The following KDM5A variants were observed in gnomAD, a reference collection of about 807,000 sequenced individuals.
KDM5A encodes the protein lysine demethylase 5A, also known as lysine-specific demethylase 5A.
Under a neutral mutation model 193.5 loss-of-function variants are expected in KDM5A, and 42 were observed. The ratio of observed to expected loss-of-function variants is 0.22; its 90% CI spans 0.17 to 0.28. The LOEUF (loss-of-function observed/expected upper bound fraction) is 0.28. KDM5A is among the 10% of genes least tolerant of loss of function. The pLI, the probability that KDM5A is intolerant of heterozygous loss-of-function variation, is 1.00. For synonymous variants in KDM5A, 796 were observed against 718.1 expected, an observed-to-expected ratio of 1.11 and a Z score of -1.73; for missense variants, 1,692 against 2,055.1, an observed-to-expected ratio of 0.82 and a Z score of 3.42.
At chr12:289,844 T>C (rs1280755698) in intron 27 of KDM5A, among the ~76,000 whole-genome samples, 2 of 151,690 alleles carry the variant, frequency 1.3e-5, no homozygotes, top group African/African-American at 4.8e-5. Context: ...CTGGAAGTTA[T>C]TTTTTGCTGC....
In KDM5A at chr12:385,980, TAGAA is replaced by T; in HGVS notation, c.166-10_166-7del. 1 of 1,610,660 alleles carries T rather than the reference TAGAA, an allele frequency of 6.2e-7. No individual in the cohort carries two copies. The highest frequency in any genetic ancestry group is 8.5e-7 in the Non-Finnish European group (1 of 1,177,052). On this transcript the variant is annotated splice_polypyrimidine_tract_variant and splice_region_variant and intron_variant, in intron 1 of 27. Coordinates refer to ENST00000399788, the MANE Select transcript of KDM5A (RefSeq NM_001042603.3). The stretch of plus-strand genomic sequence containing the variant: ...GCAAATGGAGGCTGCCAGTCCTAAA[TAGAA>T]AGATTTTTTTAAAAAAACACAGTGG...
At chr12:336,189 T>C (rs1943930817) in intron 10 of KDM5A, among the ~76,000 whole-genome samples, 1 of 150,316 alleles carries the variant, frequency 6.7e-6, no homozygotes, top group Admixed American at 6.6e-5. Context: ...CGGGACCCCA[T>C]CTCTACAAAA....
At chr12:309,067 T>C (rs1943549260) in intron 22 of KDM5A, among the ~76,000 whole-genome samples, 1 of 152,178 alleles carries the variant, frequency 6.6e-6, no homozygotes, top group Non-Finnish European at 1.5e-5. Flanking sequence ...GTCTAGGAAA[T>C]TTAAAAGAAG....
intron 3 of KDM5A, among the ~76,000 whole-genome samples, chr12:366,990 G>GCTGTACA (rs1231751439): frequency 6.6e-6 from 1 of 152,140 alleles, no homozygotes; most frequent in East Asian, 1.9e-4. Context: ...AGAGTAACAG[G>GCTGTACA]CTGTACACCT....
chr12:287,933 T>G (rs1351730704), intron 27 of KDM5A, among the ~76,000 whole-genome samples: 1 of 152,222 alleles, frequency 6.6e-6, no homozygotes, highest in African/African-American at 2.4e-5. Context: ...TTCCCTTTTG[T>G]GATTTTGACT....
At chr12:357,827 C>CAAAAAAAAAAAAAAAAAAAAAA (rs61577928) in intron 5 of KDM5A, among the ~76,000 whole-genome samples, 1 of 29,866 alleles carries the variant, frequency 3.3e-5, no homozygotes, top group African/African-American at 2.0e-4. Context: ...GACTCAGTCT[C>CAAAAAAAAAAAAAAAAAAAAAA]AAAAAAAAAA....
Position 311,030 on chromosome 12 carries a change from T to G in KDM5A, c.3071A>C (p.Glu1024Ala). Reference sequence around the variant, plus strand: ...AGGGCGTCCTTTCGCAGACAAGCTCTCAAGCTGCTCCAAATAAGCGTAATT... The same window carrying G: ...AGGGCGTCCTTTCGCAGACAAGCTCGCAAGCTGCTCCAAATAAGCGTAATT... ...GSNYAYLEQL[E>A]SLSAKGRPIP... is the part of the protein sequence containing the mutation. Residue 1024 changes from glutamate to alanine, a missense_variant, in exon 21 of 28, where the codon GAG becomes GCG. By Grantham distance (107) the Glu-to-Ala change is moderately radical. Around this residue, in one of 11 missense-constraint regions of KDM5A, gnomAD observed 965 missense variants for 1,061.0 expected, o/e 0.91. Transcript: ENST00000399788. 1 of 1,614,230 alleles carries G rather than the reference T, an allele frequency of 6.2e-7. No homozygotes were observed. The highest frequency in any genetic ancestry group is 8.5e-7 in the Non-Finnish European group (1 of 1,180,034).
chr12:312,582 T>C (rs1322055515), intron 20 of KDM5A, among the ~76,000 whole-genome samples: 1 of 152,220 alleles, frequency 6.6e-6, no homozygotes, highest in Non-Finnish European at 1.5e-5. Flanking sequence ...TTCTAAATTA[T>C]AAAATCAGAC....
At chr12:370,219 C>T (rs1030154380) in intron 3 of KDM5A, among the ~76,000 whole-genome samples, 3 of 152,038 alleles carry the variant, frequency 2.0e-5, no homozygotes, top group Admixed American at 6.6e-5. Context: ...ATGGTGAAAC[C>T]CTGTCTCTAC....
At chr12:312,253 C>T (rs1943596591) in intron 20 of KDM5A, among the ~76,000 whole-genome samples, 1 of 152,112 alleles carries the variant, frequency 6.6e-6, no homozygotes, top group Non-Finnish European at 1.5e-5. Flanking sequence ...TACGTCTCTC[C>T]AACTAGAAAA....
chr12:352,751 A>G (rs1944179477), intron 8 of KDM5A, among the ~76,000 whole-genome samples: 1 of 152,240 alleles, frequency 6.6e-6, no homozygotes, highest in Non-Finnish European at 1.5e-5. Flanking sequence ...TCAGACTAAG[A>G]GAATAGTTTG....
At position 322,529 on chromosome 12, in the gene KDM5A, C is replaced by G; in HGVS notation, c.2314G>C (p.Asp772His). Residue 772 changes from aspartate (D) to histidine (H), a missense_variant, in exon 17 of 28, where the codon GAT becomes CAT. Transcript: ENST00000399788. The part of the protein sequence containing the change: ...ELRVMLEDAE[D>H]RKYPENDLFR... ...AGATCATTCTCTGGGTATTTCCTAT[C>G]CTCAGCATCTTCCAGCATTACTCGC... 1.9e-6 allele frequency: 3 copies of G among 1,613,052 alleles called. No homozygotes were observed. Among genetic ancestry groups the G allele is most frequent in the Non-Finnish European group, 2.5e-6 (3 of 1,179,342 alleles).
chr12:313,110 C>T lies in KDM5A; in HGVS notation c.2982G>A (p.Leu994=). ...CTCGAGCCTTTTGTAAGGCTTCTTT[C>T]AAGGACAACACATTGGGTAGAAAGG... ...IPAFLPNVLS[L]KEALQKAREW... The change falls in exon 20 of 28, where the codon TTG becomes TTA. Residue 994 remains leucine (L), a synonymous_variant. Transcript: ENST00000399788. 1 of 1,614,130 alleles carries T rather than the reference C, an allele frequency of 6.2e-7. No homozygotes were observed. The highest frequency in any genetic ancestry group is 2.2e-5 in the East Asian group (1 of 44,876).
chr12:303,443 A>T (rs1042261544), intron 24 of KDM5A, among the ~76,000 whole-genome samples: 2 of 152,234 alleles, frequency 1.3e-5, no homozygotes, highest in Admixed American at 6.5e-5. Flanking sequence ...GTTCTCACTC[A>T]TAAGTGGGAG....
At chr12:305,969 G>GTGT (rs1555128053) in intron 24 of KDM5A, among the ~76,000 whole-genome samples, 6 of 104,216 alleles carry the variant, frequency 5.8e-5, no homozygotes, top group African/African-American at 2.3e-4. Context: ...CAATGGAAGT[G>GTGT]TTTTTTTTTT....
chr12:323,541 A>C lies in KDM5A; in HGVS notation c.2150+59T>G, dbSNP rs1332511097. 3.4e-6 allele frequency: 5 copies of C among 1,459,004 alleles called. No individual in the cohort carries two copies. In the Admixed American group the frequency reaches 8.4e-5, roughly 24 times the overall value. The allele number at this position is 1,459,004 out of a possible 1,614,324, so 90.4% of individuals were successfully genotyped here. A position where few individuals can be genotyped will look rare whatever the true frequency, so the allele number is the denominator to read the frequency against. On this transcript the variant is annotated intron_variant, in intron 15 of 27. Transcript: ENST00000399788. Reference sequence around the variant, plus strand: ...TAAAGTAAGGGAATAAGTAAAAATAACATTAAAACTTGGTTTTAAAAAAAG... The same window carrying C: ...TAAAGTAAGGGAATAAGTAAAAATACCATTAAAACTTGGTTTTAAAAAAAG...
At position 350,649 on chromosome 12, in the gene KDM5A, C is replaced by T. The variant is rs919179114; in HGVS notation, c.1280G>A (p.Gly427Glu). 2 of 1,613,990 alleles carry T rather than the reference C, an allele frequency of 1.2e-6. No homozygotes were observed. The highest frequency in any genetic ancestry group is 1.7e-6 in the Non-Finnish European group (2 of 1,179,974). Reference sequence around the variant, plus strand: ...TTCTTCTGGCAGAATCTTTCTCCGCCCATCCTTCACCGGAAATCCACTTCC... The same window carrying T: ...TTCTTCTGGCAGAATCTTTCTCCGCTCATCCTTCACCGGAAATCCACTTCC... ...DFGSGFPVKD[G>E]RRKILPEEEE... The change falls in exon 10 of 28, where the codon GGG (glycine) becomes GAG (glutamate). Residue 427 changes from glycine to glutamate, a missense_variant. Gly to Glu is a moderately conservative substitution (Grantham distance 98). Transcript: ENST00000399788.
chr12:327,243 G>A (rs140528281), intron 14 of KDM5A, among the ~76,000 whole-genome samples: 1 of 152,146 alleles, frequency 6.6e-6, no homozygotes, highest in Non-Finnish European at 1.5e-5. Flanking sequence ...AAGCACAAGG[G>A]AAATAATGTC....
intron 18 of KDM5A, among the ~76,000 whole-genome samples, chr12:318,915 G>A (rs943037185): frequency 6.6e-6 from 1 of 152,218 alleles, no homozygotes; most frequent in Non-Finnish European, 1.5e-5. Flanking sequence ...AATGTCATTG[G>A]TAGTCACAGA....
Sources: allele counts gnomAD v4.1 joint callset (sites outside exome capture counted in the v4.1 genomes callset), GRCh38; gene constraint gnomAD v4.1.1; regional missense constraint gnomAD v4.1.1; transcripts MANE v1.5; gene names NCBI Gene and HGNC (gene_info 2026-07-23, HGNC 2026-07-21).